The following RIMS1 variants were observed in gnomAD, a reference collection of about 807,000 sequenced individuals.
RIMS1 encodes the protein regulating synaptic membrane exocytosis 1.
In RIMS1, 83 loss-of-function variants were observed where a neutral mutation model predicts 214.1. The observed-to-expected ratio is 0.39, with a 90% CI of 0.32 to 0.47. The LOEUF (loss-of-function observed/expected upper bound fraction) is 0.47, where lower values mean the gene tolerates loss of function less well. Ranked by LOEUF, RIMS1 falls within the 20% of genes least tolerant of loss-of-function variation. The pLI is 0.99. For missense variants in RIMS1, 2,050 were observed against 2,161.8 expected (o/e 0.95, Z 1.03); for synonymous variants, 793 against 786.8 (o/e 1.01, Z -0.13).
At chr6:72,024,900 G>GTTTTTT (rs777214787) in intron 2 of RIMS1, among the ~76,000 whole-genome samples, 1,364 of 98,620 alleles carry the variant, frequency 0.014, 40 homozygotes, top group Non-Finnish European at 0.019. Context: ...AAATCTGTGG[G>GTTTTTT]TTTTTTTTTT....
chr6:71,915,268 C>A (rs544289176), intron 1 of RIMS1, among the ~76,000 whole-genome samples: 65 of 152,050 alleles, frequency 4.3e-4, no homozygotes, highest in Non-Finnish European at 8.4e-4. Context: ...TTTATCCTTC[C>A]CCAATTCTGT....
At chr6:71,980,324 G>T (rs1010235136) in intron 2 of RIMS1, among the ~76,000 whole-genome samples, 2 of 152,076 alleles carry the variant, frequency 1.3e-5, no homozygotes, top group Non-Finnish European at 2.9e-5. Context: ...GAATTAATGT[G>T]TATTTAGTGG....
chr6:71,976,518 G>A (rs769545987), intron 2 of RIMS1, among the ~76,000 whole-genome samples: 14 of 152,048 alleles, frequency 9.2e-5, no homozygotes, highest in Non-Finnish European at 1.3e-4. Context: ...GAAATGATTT[G>A]CAATATTGTC....
At chr6:72,300,812 G>A (rs1013532466) in intron 26 of RIMS1, among the ~76,000 whole-genome samples, 1 of 151,690 alleles carries the variant, frequency 6.6e-6, no homozygotes, top group African/African-American at 2.4e-5. Context: ...GAGAAATTAT[G>A]TCTGGAGTTG....
chr6:71,971,549 G>A (rs1795860292), intron 2 of RIMS1, among the ~76,000 whole-genome samples: 2 of 152,150 alleles, frequency 1.3e-5, no homozygotes, highest in South Asian at 4.1e-4. Context: ...CCAAATCTAG[G>A]CATAGATGGT....
chr6:72,158,830 C>T (rs1486001345), intron 4 of RIMS1, among the ~76,000 whole-genome samples: 3 of 139,672 alleles, frequency 2.1e-5, no homozygotes, highest in African/African-American at 7.4e-5. Flanking sequence ...GGATTGGTTC[C>T]AGGTCTTTGC....
At chr6:72,229,488 G>A in intron 6 of RIMS1, among the ~76,000 whole-genome samples, 1 of 151,896 alleles carries the variant, frequency 6.6e-6, no homozygotes, top group South Asian at 2.1e-4. Flanking sequence ...TAGATAATAA[G>A]CCCTATTAAA....
At chr6:72,152,523 A>ATAC (rs1414602111) in intron 4 of RIMS1, among the ~76,000 whole-genome samples, 7 of 152,012 alleles carry the variant, frequency 4.6e-5, no homozygotes, top group African/African-American at 1.7e-4. Flanking sequence ...CTTTGGATTT[A>ATAC]TACTACAGAT....
chr6:72,182,805 C>T lies in RIMS1; in HGVS notation c.1334C>T (p.Thr445Met), dbSNP rs955231414. The change falls in exon 6 of 34, where the codon ACG becomes ATG. Residue 445 changes from threonine to methionine, a missense_variant. By Grantham distance (81) the Thr-to-Met change is moderately conservative (BLOSUM62 -1). Coordinates refer to ENST00000521978, the MANE Select transcript of RIMS1 (RefSeq NM_014989.7). ...ETRAPGAKQL[T>M]NHSPPAPRHG... Reference sequence around the variant, plus strand: ...AGGGCGCCGGGCGCCAAGCAGCTAACGAACCACAGCCCGCCGGCGCCCAGA... The same window carrying T: ...AGGGCGCCGGGCGCCAAGCAGCTAATGAACCACAGCCCGCCGGCGCCCAGA... 1 of 1,548,550 alleles carries T rather than the reference C, an allele frequency of 6.5e-7. No homozygotes were observed. Among genetic ancestry groups the T allele is most frequent in the East Asian group, 2.4e-5 (1 of 41,118 alleles).
intron 1 of RIMS1, among the ~76,000 whole-genome samples, chr6:71,900,958 G>T (rs544063985): frequency 3.9e-5 from 6 of 152,118 alleles, no homozygotes; most frequent in Middle Eastern, 3.4e-3. Flanking sequence ...GAGGACAATA[G>T]CCCTGCAAAA....
intron 26 of RIMS1, among the ~76,000 whole-genome samples, chr6:72,297,380 C>T (rs2807531): frequency 0.3 from 44,751 of 151,656 alleles, 7,429 homozygotes; most frequent in Non-Finnish European, 0.38. Context: ...TAGAAATGGG[C>T]CATGATCTAA....
intron 6 of RIMS1, among the ~76,000 whole-genome samples, chr6:72,226,848 C>T (rs1372725797): frequency 2.6e-5 from 4 of 152,046 alleles, no homozygotes; most frequent in Non-Finnish European, 4.4e-5. Flanking sequence ...TCTAACACCA[C>T]GATTTCATAT....
At chr6:72,173,363 C>A (rs937573751) in intron 4 of RIMS1, among the ~76,000 whole-genome samples, 7 of 151,948 alleles carry the variant, frequency 4.6e-5, no homozygotes, top group African/African-American at 1.7e-4. Flanking sequence ...CTTCTCCATT[C>A]TGGGAATTTG....
rs1434843679 is a variant in RIMS1, at chr6:72,233,763, T to C, written c.1679-10T>C. On this transcript the variant is annotated splice_polypyrimidine_tract_variant and intron_variant, in intron 6 of 33. Coordinates refer to ENST00000521978, the MANE Select transcript of RIMS1 (RefSeq NM_014989.7). ...ACCATTACACTTTTCATTCTTTTTG[T>C]ATTGCACAGGTGATTTGGATTATTA... is the stretch of plus-strand genomic sequence containing the variant. The C allele has an allele frequency of 6.4e-7, 1 of 1,555,372 alleles. No individual in the cohort carries two copies. The highest frequency in any genetic ancestry group is 2.4e-5 in the East Asian group (1 of 42,434).
rs1269737438 is a variant in RIMS1, at chr6:72,233,858, T to G, written c.1746+18T>G. ...TTAGTTCGGTAAGTTTTCTGGAAAG[T>G]GTGTTTGGAGTTTAGGGAATATGTG... is the stretch of plus-strand genomic sequence containing the variant. On this transcript the variant is annotated intron_variant, in intron 7 of 33. Transcript: ENST00000521978. The G allele has an allele frequency of 6.5e-7, 1 of 1,545,610 alleles. No individual in the cohort carries two copies. Among genetic ancestry groups the G allele is most frequent in the Non-Finnish European group, 8.8e-7 (1 of 1,135,436 alleles).
intron 2 of RIMS1, among the ~76,000 whole-genome samples, chr6:72,088,257 ATTT>A (rs1413424008): frequency 2.1e-5 from 3 of 144,718 alleles, no homozygotes; most frequent in African/African-American, 7.7e-5. Flanking sequence ...TTATTTATTT[ATTT>A]ATTTTGAGAC....
intron 1 of RIMS1, among the ~76,000 whole-genome samples, chr6:71,906,091 G>T (rs560007228): frequency 3.4e-4 from 52 of 152,150 alleles, no homozygotes; most frequent in African/African-American, 1.3e-3. Flanking sequence ...TTTCAGTCTG[G>T]CCTGAAGTGA....
chr6:72,114,275 A>G (rs1455534450), intron 4 of RIMS1, among the ~76,000 whole-genome samples: 3 of 152,016 alleles, frequency 2.0e-5, no homozygotes, highest in Non-Finnish European at 4.4e-5. Flanking sequence ...TCTAATATGC[A>G]TTATTTCATG....
chr6:72,058,069 T>C (rs1826828752), intron 2 of RIMS1, among the ~76,000 whole-genome samples: 1 of 152,240 alleles, frequency 6.6e-6, no homozygotes, highest in South Asian at 2.1e-4. Context: ...AAGTACTTAC[T>C]TGATTCACCT....
Sources: gnomAD v4.1 joint callset for allele counts (sites outside exome capture counted in the v4.1 genomes callset) on GRCh38, gnomAD v4.1.1 for gene constraint, MANE v1.5 for transcripts, NCBI Gene and HGNC (gene_info 2026-07-23, HGNC 2026-07-21) for gene names.